Variants in CAAP1 observed in about 807,000 individuals in gnomAD.
CAAP1 encodes the protein caspase activity and apoptosis inhibitor 1.
CAAP1 carries 20 observed loss-of-function variants against 34.0 expected under a neutral mutation model. The observed-to-expected ratio is 0.59, with a 90% CI of 0.41 to 0.86. The LOEUF (loss-of-function observed/expected upper bound fraction) is 0.86. Ranked by LOEUF, CAAP1 falls within the 40% of genes least tolerant of loss-of-function variation. CAAP1 has a pLI of 0.00. For missense variants in CAAP1, 538 were observed against 450.5 expected (o/e 1.19, Z -1.76); for synonymous variants, 213 against 166.7 (o/e 1.28, Z -2.14).
At chr9:26,857,322 G>T (rs1485023880) in intron 5 of CAAP1, among the ~76,000 whole-genome samples, 1 of 152,206 alleles carries the variant, frequency 6.6e-6, no homozygotes, top group Non-Finnish European at 1.5e-5. Context: ...CATTCTGAGT[G>T]AAATGAATGA....
intron 5 of CAAP1, among the ~76,000 whole-genome samples, chr9:26,844,345 G>GA (rs1368994744): frequency 6.6e-6 from 1 of 151,688 alleles, no homozygotes; most frequent in Non-Finnish European, 1.5e-5. Context: ...CAATAAGGGT[G>GA]AAACTCCGTC....
chr9:26,864,876 C>T (rs939046850), intron 4 of CAAP1, among the ~76,000 whole-genome samples: 8 of 152,138 alleles, frequency 5.3e-5, no homozygotes, highest in Non-Finnish European at 1.0e-4. Context: ...GTAATACTTT[C>T]TGTAAAGATT....
intron 5 of CAAP1, among the ~76,000 whole-genome samples, chr9:26,853,505 C>T (rs967059881): frequency 6.6e-6 from 1 of 152,120 alleles, no homozygotes; most frequent in Non-Finnish European, 1.5e-5. Flanking sequence ...ATCAGTTAGA[C>T]AGTGTAGAAA....
intron 4 of CAAP1, among the ~76,000 whole-genome samples, chr9:26,881,637 C>T (rs1203911789): frequency 2.0e-5 from 3 of 152,158 alleles, no homozygotes; most frequent in Non-Finnish European, 4.4e-5. Flanking sequence ...TTATAAATTA[C>T]CCAGTCTCAG....
intron 5 of CAAP1, among the ~76,000 whole-genome samples, chr9:26,853,960 T>C (rs1042215604): frequency 5.9e-5 from 9 of 152,320 alleles, no homozygotes; most frequent in African/African-American, 2.2e-4. Flanking sequence ...AGGGGTGAAC[T>C]TCAAAATTTG....
At position 26,892,623 on chromosome 9, in the gene CAAP1, C is replaced by G. The variant is rs760930650; in HGVS notation, c.93G>C (p.Ala31=). Residue 31 remains alanine, a synonymous_variant, in exon 1 of 6, where the codon GCG becomes GCC. Transcript: ENST00000333916. ...AALAAPDIVP[A]LASGSSGSTS... is the part of the protein sequence containing the mutation. ...TGCTTCCACTGCTGCCGCTGGCCAA[C>G]GCGGGTACGATGTCCGGGGCCGCGA... 3.1e-6 allele frequency: 5 copies of G among 1,609,420 alleles called. No individual in the cohort carries two copies. The East Asian group carries it at 8.9e-5, about 29-fold the overall frequency.
intron 5 of CAAP1, among the ~76,000 whole-genome samples, chr9:26,851,725 A>C (rs996333856): frequency 6.6e-6 from 1 of 152,246 alleles, no homozygotes; most frequent in African/African-American, 2.4e-5. Flanking sequence ...TCAAAAATGA[A>C]AATACCCAAA....
Position 26,843,103 on chromosome 9 carries a change from G to A in CAAP1, c.740-456C>T, listed in dbSNP as rs1472740291. Among the ~76,000 whole-genome samples, 4 of 152,188 alleles carry A rather than the reference G, an allele frequency of 2.6e-5. No individual in the cohort carries two copies. In the South Asian group the frequency reaches 8.3e-4, roughly 31 times the overall value. Reference sequence around the variant, plus strand: ...CTACAAAAAAGAAAAAGTATCATCAGCAAGCAGGACAACATATGCATTGCA... The same window carrying A: ...CTACAAAAAAGAAAAAGTATCATCAACAAGCAGGACAACATATGCATTGCA... On this transcript the variant is annotated intron_variant, in intron 5 of 5. Coordinates refer to ENST00000333916, the MANE Select transcript of CAAP1 (RefSeq NM_024828.4).
At chr9:26,883,714 G>A (rs1358035114) in intron 4 of CAAP1, among the ~76,000 whole-genome samples, 2 of 152,100 alleles carry the variant, frequency 1.3e-5, no homozygotes, top group East Asian at 3.9e-4. Flanking sequence ...CGTGGGGAAT[G>A]GGGCAAAGAA....
intron 5 of CAAP1, among the ~76,000 whole-genome samples, chr9:26,846,518 A>G (rs1373303598): frequency 1.3e-5 from 2 of 151,716 alleles, no homozygotes; most frequent in South Asian, 2.1e-4. Context: ...TCTTTTGTCA[A>G]TTTGATCCTG....
At position 26,892,710 on chromosome 9, in the gene CAAP1, C is replaced by T. The variant is rs758872338; in HGVS notation, c.6G>A (p.Thr2=). ...GTTTCTCCCGGGAGGACTTTTTCCC[C>T]GTCATGATCCCTCTGCTGCAACCAT... M[T]GKKSSREKRR... The change falls in exon 1 of 6, where the codon ACG becomes ACA. Residue 2 remains threonine (T), a synonymous_variant. Coordinates refer to ENST00000333916, the MANE Select transcript of CAAP1 (RefSeq NM_024828.4). 15 of 1,591,572 alleles carry T rather than the reference C, an allele frequency of 9.4e-6. No homozygotes were observed. The highest frequency in any genetic ancestry group is 1.7e-5 in the Admixed American group (1 of 59,038).
At chr9:26,848,803 T>C (rs1028130070) in intron 5 of CAAP1, among the ~76,000 whole-genome samples, 1 of 152,254 alleles carries the variant, frequency 6.6e-6, no homozygotes, top group Non-Finnish European at 1.5e-5. Context: ...GCTAATAAAA[T>C]GTTTAGAGTG....
At chr9:26,854,153 A>T (rs1218882240) in intron 5 of CAAP1, among the ~76,000 whole-genome samples, 1 of 152,184 alleles carries the variant, frequency 6.6e-6, no homozygotes, top group Non-Finnish European at 1.5e-5. Context: ...TGATAACAGA[A>T]ATAATTACAA....
chr9:26,868,681 T>C (rs1449827004), intron 4 of CAAP1, among the ~76,000 whole-genome samples: 1 of 152,204 alleles, frequency 6.6e-6, no homozygotes, highest in Non-Finnish European at 1.5e-5. Flanking sequence ...TCAGAGGATA[T>C]AGGAACAAGT....
rs559238196 is a variant in CAAP1 at position 26,843,185 on chromosome 9, AAAG to A, written c.740-541_740-539del. ...ACACTTTGTTCCAAATCAATAAATT[AAAG>A]AAGAATGCCTAAGGCCATTTTCTAA... On this transcript the variant is annotated intron_variant, in intron 5 of 5. Transcript: ENST00000333916. Among the ~76,000 whole-genome samples, 669 of 152,360 alleles carry A rather than the reference AAAG, an allele frequency of 4.4e-3. 6 individuals are homozygous for A. Among genetic ancestry groups the A allele is most frequent in the African/African-American group, 0.015 (619 of 41,590 alleles).
At chr9:26,890,451 TGAATA>T (rs1013738987) in intron 1 of CAAP1, among the ~76,000 whole-genome samples, 9 of 151,808 alleles carry the variant, frequency 5.9e-5, no homozygotes, top group Non-Finnish European at 1.0e-4. Flanking sequence ...GTGGGAAAAC[TGAATA>T]GATCTATATT....
At chr9:26,888,653 G>A (rs1351067190) in intron 1 of CAAP1, among the ~76,000 whole-genome samples, 1 of 152,214 alleles carries the variant, frequency 6.6e-6, no homozygotes, top group African/African-American at 2.4e-5. Context: ...CTCATACACT[G>A]TTAGCAGGAA....
chr9:26,892,572 G>T lies in CAAP1; in HGVS notation c.144C>A (p.Gly48=). 1 of 1,592,964 alleles carries T rather than the reference G, an allele frequency of 6.3e-7. No homozygotes were observed. ...TCCCACAGCAGCTGACGCTCCCGCA[G>T]CCCCCGGCGCTCCCGCAGCCGCTAG... The part of the protein sequence containing the change: ...GSTSGCGSAG[G]CGSVSCCGNA... Residue 48 remains glycine, a synonymous_variant, in exon 1 of 6, where the codon GGC becomes GGA. Transcript: ENST00000333916.
chr9:26,891,043 G>A (rs1374250448), intron 1 of CAAP1, among the ~76,000 whole-genome samples: 1 of 152,102 alleles, frequency 6.6e-6, no homozygotes. Flanking sequence ...CTTGTCCCAA[G>A]ACTCCAAAGA....
Sources: allele counts gnomAD v4.1 joint callset (sites outside exome capture counted in the v4.1 genomes callset), GRCh38; gene constraint gnomAD v4.1.1; transcripts MANE v1.5; gene names NCBI Gene and HGNC (gene_info 2026-07-23, HGNC 2026-07-21).